ANK1: variants seen among roughly 807,000 people sequenced by gnomAD.
ANK1 encodes the protein ankyrin-1.
A neutral mutation model predicts 210.4 loss-of-function variants in ANK1; 51 were observed. The ratio of observed to expected loss-of-function variants is 0.24; its 90% CI spans 0.19 to 0.31. ANK1 has a LOEUF of 0.31. ANK1 is among the 10% of genes least tolerant of loss of function. The pLI, the probability that ANK1 is intolerant of heterozygous loss-of-function variation, is 1.00. For synonymous variants in ANK1, 967 were observed against 1,025.9 expected, an observed-to-expected ratio of 0.94 and a Z score of 1.10; for missense variants, 2,051 against 2,504.4, an observed-to-expected ratio of 0.82 and a Z score of 3.86.
chr8:41,661,379 C>T (rs1808084884), intron 42 of ANK1, 51 bp downstream of exon 42: 1 of 1,607,732 alleles, frequency 6.2e-7, no homozygotes, highest in African/African-American at 1.3e-5. Context: ...AGGGAGCAGC[C>T]ACTCCACTGA....
Position 41,714,956 on chromosome 8 carries a change from A to G in ANK1, c.1701+20T>C. On this transcript the variant is annotated intron_variant, in intron 15 of 42. Transcript: ENST00000289734. ...GCCTCTAACCTGAGAGCTGCAGGGG[A>G]GGGCAGGGTTCAAACTCACTTTTCC... The G allele has an allele frequency of 6.2e-7, 1 of 1,612,300 alleles. No homozygotes were observed. Among genetic ancestry groups the G allele is most frequent in the Admixed American group, 1.7e-5 (1 of 60,020 alleles).
chr8:41,818,684 A>G (rs1047571517), intron 1 of ANK1, among the ~76,000 whole-genome samples: 3 of 144,188 alleles, frequency 2.1e-5, no homozygotes, highest in Non-Finnish European at 3.0e-5. Flanking sequence ...CTTTCTCACT[A>G]TATTGCCCAG....
intron 1 of ANK1, among the ~76,000 whole-genome samples, chr8:41,827,612 A>C (rs1319008654): frequency 6.6e-6 from 1 of 152,158 alleles, no homozygotes; most frequent in Non-Finnish European, 1.5e-5. Context: ...TGGTTTTACA[A>C]AGGCTATTTC....
intron 22 of ANK1, chr8:41,700,591 A>G: frequency 1.1e-6 from 1 of 903,762 alleles, no homozygotes; most frequent in East Asian, 2.5e-5. Context: ...GAAATTATCC[A>G]GATGGAAGGG....
intron 2 of ANK1, among the ~76,000 whole-genome samples, chr8:41,752,104 T>C (rs575956505): frequency 1.3e-4 from 20 of 152,172 alleles, no homozygotes; most frequent in Non-Finnish European, 2.5e-4. Flanking sequence ...CTCTTGAAAG[T>C]CGTCTCCCTA....
At chr8:41,753,056 G>C (rs1838177659) in intron 2 of ANK1, among the ~76,000 whole-genome samples, 1 of 143,232 alleles carries the variant, frequency 7.0e-6, no homozygotes, top group Admixed American at 7.2e-5. Context: ...CACTGCCGCA[G>C]GCTCTTTTTT....
At chr8:41,804,981 AT>A (rs374282272) in intron 1 of ANK1, among the ~76,000 whole-genome samples, 31 of 152,288 alleles carry the variant, frequency 2.0e-4, no homozygotes, top group African/African-American at 7.0e-4. Context: ...ATAGTGTTGA[AT>A]GGAACTCAAA....
At chr8:41,869,729 G>A (rs919103308) in intron 1 of ANK1, among the ~76,000 whole-genome samples, 2 of 152,188 alleles carry the variant, frequency 1.3e-5, no homozygotes, top group Non-Finnish European at 2.9e-5. Flanking sequence ...GGGTGCTTCT[G>A]GACATCCGCA....
chr8:41,896,391 C>T (rs1466670864), exon 1 of ANK1: 1 of 1,601,952 alleles, frequency 6.2e-7, no homozygotes, highest in South Asian at 1.1e-5. Context: ...TTCTCCGCTT[C>T]CTGTTGGATT....
chr8:41,685,608 T>C (rs1257405194), intron 36 of ANK1, among the ~76,000 whole-genome samples: 1 of 151,860 alleles, frequency 6.6e-6, no homozygotes, highest in Non-Finnish European at 1.5e-5. Context: ...CCTGCACAGA[T>C]GTTGTCATCT....
chr8:41,661,288 G>T, intron 42 of ANK1, 142 bp downstream of exon 42: 1 of 1,294,398 alleles, frequency 7.7e-7, no homozygotes. Flanking sequence ...GTTGGGAAGT[G>T]AGAATCTCTG....
chr8:41,665,974 G>A (rs964068279), intron 39 of ANK1: 1 of 152,178 alleles, frequency 6.6e-6, no homozygotes, highest in Non-Finnish European at 1.5e-5. Context: ...CAGCAGCTGC[G>A]GCTGGAAAAA....
chr8:41,700,548 C>G, intron 22 of ANK1: 1 of 1,299,178 alleles, frequency 7.7e-7, no homozygotes, highest in Non-Finnish European at 1.1e-6. Flanking sequence ...ACCAGAAGCT[C>G]TGCTTCTCTA....
chr8:41,677,834 C>T (rs1028134059), intron 37 of ANK1, among the ~76,000 whole-genome samples: 1 of 152,182 alleles, frequency 6.6e-6, no homozygotes, highest in African/African-American at 2.4e-5. Context: ...AAGTGATCCA[C>T]CCACCTCGAC....
chr8:41,693,012 G>C, intron 30 of ANK1, 93 bp downstream of exon 30: 1 of 1,507,414 alleles, frequency 6.6e-7, no homozygotes. Context: ...CACATGGAGG[G>C]GACAGTGAGG....
At chr8:41,775,299 C>T (rs548612048) in intron 1 of ANK1, among the ~76,000 whole-genome samples, 1 of 152,242 alleles carries the variant, frequency 6.6e-6, no homozygotes, top group East Asian at 1.9e-4. Context: ...GAACAATTTG[C>T]CCCAAGGGAC....
chr8:41,698,813 T>G (rs1056315441), intron 23 of ANK1, among the ~76,000 whole-genome samples: 3 of 151,924 alleles, frequency 2.0e-5, no homozygotes, highest in Non-Finnish European at 4.4e-5. Context: ...TTTTTTTTTT[T>G]GAGATGGAGT....
chr8:41,663,531 G>C (rs1007752879), intron 40 of ANK1, 128 bp downstream of exon 40: 1 of 910,698 alleles, frequency 1.1e-6, no homozygotes, highest in Non-Finnish European at 1.8e-6. Context: ...TCCTGAGCAC[G>C]GGGGCAGCCA....
At chr8:41,892,537 G>C (rs1819656817) in intron 1 of ANK1, among the ~76,000 whole-genome samples, 1 of 152,158 alleles carries the variant, frequency 6.6e-6, no homozygotes, top group Non-Finnish European at 1.5e-5. Context: ...AAAATCACTT[G>C]ACATTTAGTG....
Sources: gnomAD v4.1 joint callset for allele counts (sites outside exome capture counted in the v4.1 genomes callset) on GRCh38, gnomAD v4.1.1 for gene constraint, MANE v1.5 for transcripts, NCBI Gene and HGNC (gene_info 2026-07-23, HGNC 2026-07-21) for gene names.